The following CUX1 variants were observed in gnomAD, a reference collection of about 807,000 sequenced individuals.
CUX1 encodes the protein protein CASP.
CUX1 carries 31 observed loss-of-function variants against 158.8 expected under a neutral mutation model. The observed-to-expected ratio is 0.20, with a 90% CI of 0.15 to 0.26. The LOEUF is 0.26. Ranked by LOEUF, CUX1 falls within the 10% of genes least tolerant of loss-of-function variation. The pLI is 1.00. For synonymous variants in CUX1, 879 were observed against 862.1 expected (o/e 1.02, Z -0.34); for missense variants, 1,589 against 2,014.6 (o/e 0.79, Z 4.04).
At chr7:101,898,494 T>G (rs1801768253) in intron 1 of CUX1, among the ~76,000 whole-genome samples, 1 of 152,130 alleles carries the variant, frequency 6.6e-6, no homozygotes, top group Non-Finnish European at 1.5e-5. Context: ...CTATTTTCTC[T>G]TCTTGGGGCG....
At position 102,201,940 on chromosome 7, in the gene CUX1, G is replaced by T. The variant is rs781841787; in HGVS notation, c.2643G>T (p.Glu881Asp). Reference sequence around the variant, plus strand: ...CCTCGTCGTCAGAGTACTGGAAGGAGTGGCCCAGCGCTGAGTCCCCATACT... The same window carrying T: ...CCTCGTCGTCAGAGTACTGGAAGGATTGGCCCAGCGCTGAGTCCCCATACT... ...QGPSSSEYWK[E>D]WPSAESPYSQ... The change falls in exon 18 of 24, where the codon GAG becomes GAT. Residue 881 changes from glutamate to aspartate, a missense_variant. By Grantham distance (45) the Glu-to-Asp change is conservative. Transcript: ENST00000292535. The surrounding 1 kb of genome is among the most constrained non-coding windows in gnomAD (Gnocchi z 5.0). 1 of 1,614,116 alleles carries T rather than the reference G, an allele frequency of 6.2e-7. No individual in the cohort carries two copies. Among genetic ancestry groups the T allele is most frequent in the South Asian group, 1.1e-5 (1 of 91,074 alleles).
intron 8 of CUX1, among the ~76,000 whole-genome samples, chr7:102,131,717 G>C (rs949622809): frequency 3.3e-5 from 5 of 150,106 alleles, no homozygotes; most frequent in Non-Finnish European, 5.9e-5. Flanking sequence ...GTCTCACCCA[G>C]GCTGAAGTGC....
At chr7:101,924,855 G>C (rs910590835) in intron 2 of CUX1, among the ~76,000 whole-genome samples, 3 of 151,842 alleles carry the variant, frequency 2.0e-5, no homozygotes, top group Admixed American at 6.6e-5. Flanking sequence ...GATTACCGGC[G>C]TGAGCCACCA....
chr7:102,051,013 G>A (rs191135563), intron 3 of CUX1, among the ~76,000 whole-genome samples: 5 of 152,142 alleles, frequency 3.3e-5, no homozygotes, highest in East Asian at 1.9e-4. Flanking sequence ...TTCCCACCCT[G>A]ATTGACATCC....
intron 8 of CUX1, among the ~76,000 whole-genome samples, chr7:102,128,182 A>G (rs112947418): frequency 4.6e-5 from 7 of 152,350 alleles, no homozygotes; most frequent in Admixed American, 2.0e-4. Context: ...TCATCAGACA[A>G]GAGCGTTTGG....
At chr7:102,060,562 T>C (rs1302980761) in intron 3 of CUX1, among the ~76,000 whole-genome samples, 16 of 149,830 alleles carry the variant, frequency 1.1e-4, no homozygotes, top group East Asian at 2.0e-4. Flanking sequence ...AGTATATATA[T>C]ACACACACAC....
chr7:101,991,176 C>G (rs1815062232), intron 2 of CUX1, among the ~76,000 whole-genome samples: 1 of 152,120 alleles, frequency 6.6e-6, no homozygotes, highest in Non-Finnish European at 1.5e-5. Context: ...AGTTTCACTT[C>G]TTTAAAAATA....
At chr7:101,978,129 G>T (rs924662947) in intron 2 of CUX1, among the ~76,000 whole-genome samples, 20 of 152,000 alleles carry the variant, frequency 1.3e-4, no homozygotes, top group African/African-American at 4.8e-4. Flanking sequence ...GTCCTCAGGG[G>T]ATCCCATCGA....
intron 2 of CUX1, among the ~76,000 whole-genome samples, chr7:101,992,532 T>G (rs1815277018): frequency 6.6e-6 from 1 of 152,138 alleles, no homozygotes; most frequent in Non-Finnish European, 1.5e-5. Flanking sequence ...ACGTGCCCCA[T>G]GCCCAGCAAG....
rs543838431 is a variant in CUX1, at chr7:101,835,720, C to T, written c.30+18051C>T. 2.6e-5 allele frequency among the ~76,000 whole-genome samples: 4 copies of T among 152,236 alleles called. No homozygotes were observed. The South Asian group carries it at 8.3e-4, about 32-fold the overall frequency. ...TTGTGTTGCCAACAGTCCAATTATA[C>T]ACTTTTAGTTATTTTATTTGTTTGT... On this transcript the variant is annotated intron_variant, in intron 1 of 23. Coordinates refer to ENST00000292535, the MANE Select transcript of CUX1 (RefSeq NM_181552.4).
At chr7:101,912,862 A>G (rs765634602) in intron 1 of CUX1, among the ~76,000 whole-genome samples, 5 of 152,022 alleles carry the variant, frequency 3.3e-5, no homozygotes, top group Non-Finnish European at 7.4e-5. Flanking sequence ...TGACTTTTTA[A>G]TGCCTTTCAG....
intron 14 of CUX1, 70 bp downstream of exon 14, chr7:102,195,673 G>C: frequency 2.2e-6 from 3 of 1,391,888 alleles, no homozygotes; most frequent in Non-Finnish European, 2.9e-6. Flanking sequence ...GGACGAGGAA[G>C]GTGAATCGTG....
chr7:101,943,761 A>G (rs1242430618), intron 2 of CUX1, among the ~76,000 whole-genome samples: 1 of 151,832 alleles, frequency 6.6e-6, no homozygotes, highest in Non-Finnish European at 1.5e-5. Flanking sequence ...GTGATCTAAT[A>G]TTGGTCTCTG....
chr7:102,175,748 C>T lies in CUX1; in HGVS notation c.829-2721C>T, dbSNP rs568840815. Among the ~76,000 whole-genome samples, 22 of 152,298 alleles carry T rather than the reference C, an allele frequency of 1.4e-4. No individual in the cohort carries two copies. In the South Asian group the frequency reaches 2.5e-3, roughly 17 times the overall value. On this transcript the variant is annotated intron_variant, in intron 10 of 23. Coordinates refer to ENST00000292535, the MANE Select transcript of CUX1 (RefSeq NM_181552.4). Reference sequence around the variant, plus strand: ...TCCTCCTACCCTGGAGGGCTCGTGACGTTGGCCCTGCCCGGCATTATTCAG... The same window carrying T: ...TCCTCCTACCCTGGAGGGCTCGTGATGTTGGCCCTGCCCGGCATTATTCAG...
chr7:102,277,942 C>T (rs1554548094), intron 17 of CUX1: 3 of 1,487,596 alleles, frequency 2.0e-6, no homozygotes, highest in Non-Finnish European at 2.7e-6. Context: ...TGCCCCTCCC[C>T]CCCCAGGAGA....
chr7:101,866,259 C>T (rs942853771), intron 1 of CUX1, among the ~76,000 whole-genome samples: 2 of 148,938 alleles, frequency 1.3e-5, no homozygotes, highest in African/African-American at 2.5e-5. Context: ...GCCAGGGGTT[C>T]GAGACCAGCT....
intron 1 of CUX1, among the ~76,000 whole-genome samples, chr7:101,905,993 T>G (rs916263575): frequency 3.3e-5 from 5 of 151,860 alleles, no homozygotes; most frequent in Non-Finnish European, 7.4e-5. Context: ...CAGCTAACTT[T>G]TTTTTTTTTT....
At chr7:102,066,449 C>T (rs1450999918) in intron 3 of CUX1, among the ~76,000 whole-genome samples, 8 of 152,094 alleles carry the variant, frequency 5.3e-5, no homozygotes, top group African/African-American at 1.9e-4. Flanking sequence ...ATTATAGCCC[C>T]GAAGTGTGCC....
chr7:102,266,030 C>T (rs1407370855), intron 14 of CUX1, among the ~76,000 whole-genome samples: 1 of 151,940 alleles, frequency 6.6e-6, no homozygotes, highest in African/African-American at 2.4e-5. Context: ...ATGGTGAAAC[C>T]CTGTCTCTAC....
Sources: allele counts gnomAD v4.1 joint callset (sites outside exome capture counted in the v4.1 genomes callset), GRCh38; gene constraint gnomAD v4.1.1; non-coding constraint Gnocchi (gnomAD v3.1); transcripts MANE v1.5; gene names NCBI Gene and HGNC (gene_info 2026-07-23, HGNC 2026-07-21).